Variants in TTLL5 observed in about 807,000 individuals in gnomAD.
The protein encoded by TTLL5 is tubulin polyglutamylase TTLL5.
A neutral mutation model predicts 168.4 loss-of-function variants in TTLL5; 132 were observed. That is an observed-to-expected ratio of 0.78 (90% CI 0.68 to 0.91). The LOEUF (loss-of-function observed/expected upper bound fraction) is 0.91. Ranked by LOEUF, TTLL5 falls within the 40% of genes least tolerant of loss-of-function variation. The pLI, the probability that TTLL5 is intolerant of heterozygous loss-of-function variation, is 0.00. For synonymous variants in TTLL5, 546 were observed against 558.6 expected, an observed-to-expected ratio of 0.98 and a Z score of 0.32; for missense variants, 1,545 against 1,581.5, an observed-to-expected ratio of 0.98 and a Z score of 0.39.
chr14:75,794,534 A>AAGAG, intron 27 of TTLL5, among the ~76,000 whole-genome samples: 1 of 152,270 alleles, frequency 6.6e-6, no homozygotes, highest in East Asian at 1.9e-4. Context: ...AAAGCCTACA[A>AAGAG]AGTGAAAAGA....
chr14:75,796,130 G>A (rs1477275660), intron 27 of TTLL5, among the ~76,000 whole-genome samples: 1 of 152,174 alleles, frequency 6.6e-6, no homozygotes, highest in African/African-American at 2.4e-5. Context: ...CATTCTTGCA[G>A]GAGTAAGGTA....
chr14:75,736,919 A>T (rs1281459266), intron 15 of TTLL5, among the ~76,000 whole-genome samples: 2 of 152,212 alleles, frequency 1.3e-5, no homozygotes, highest in Non-Finnish European at 2.9e-5. Flanking sequence ...GGATTAACCT[A>T]GGTGTACTAG....
At chr14:75,867,108 A>G (rs1412750279) in intron 29 of TTLL5, among the ~76,000 whole-genome samples, 1 of 152,354 alleles carries the variant, frequency 6.6e-6, no homozygotes, top group East Asian at 1.9e-4. Context: ...TTTGCAGGCC[A>G]TAGCATCTCT....
intron 31 of TTLL5, among the ~76,000 whole-genome samples, chr14:75,923,822 T>G (rs138782396): frequency 1.3e-5 from 2 of 152,212 alleles, no homozygotes; most frequent in Non-Finnish European, 2.9e-5. Context: ...AGTCTTCCAC[T>G]ATTATTGTGT....
intron 12 of TTLL5, among the ~76,000 whole-genome samples, chr14:75,723,285 G>A (rs1188683347): frequency 6.6e-6 from 1 of 152,118 alleles, no homozygotes; most frequent in East Asian, 1.9e-4. Flanking sequence ...CTTAGAGAAT[G>A]TTCAGGAAAT....
At chr14:75,723,765 C>T (rs1219285643) in intron 12 of TTLL5, among the ~76,000 whole-genome samples, 1 of 152,090 alleles carries the variant, frequency 6.6e-6, no homozygotes, top group Non-Finnish European at 1.5e-5. Flanking sequence ...AGCCATGGGT[C>T]TCCTTTCTTC....
chr14:75,676,455 C>T (rs1315556954), intron 3 of TTLL5, among the ~76,000 whole-genome samples: 2 of 152,128 alleles, frequency 1.3e-5, no homozygotes, highest in African/African-American at 4.8e-5. Context: ...TTTGTAACCT[C>T]TAGTCTAAAA....
At chr14:75,831,742 C>T (rs1422068028) in intron 28 of TTLL5, among the ~76,000 whole-genome samples, 1 of 152,180 alleles carries the variant, frequency 6.6e-6, no homozygotes, top group Admixed American at 6.5e-5. Flanking sequence ...CAGCACTTTG[C>T]AGACTCTCCC....
intron 29 of TTLL5, among the ~76,000 whole-genome samples, chr14:75,871,825 G>A (rs1321180505): frequency 6.6e-6 from 1 of 152,192 alleles, no homozygotes; most frequent in African/African-American, 2.4e-5. Context: ...TATAAGATAT[G>A]CACAGTAAAC....
Position 75,661,406 on chromosome 14 carries a change from G to C in TTLL5, c.-96+19G>C, listed in dbSNP as rs1890709135. On this transcript the variant is annotated intron_variant, in intron 1 of 31. Coordinates refer to ENST00000298832, the MANE Select transcript of TTLL5 (RefSeq NM_015072.5). ...GAGACAGGTAAACGCCTGCGCCCGC[G>C]CGCTTCCCTACCCTAGGGAGGAGCA... is the stretch of plus-strand genomic sequence containing the variant. The C allele has an allele frequency of 6.6e-6, 1 of 152,426 alleles. No individual in the cohort carries two copies. The highest frequency in any genetic ancestry group is 2.4e-5 in the African/African-American group (1 of 41,484). The allele number at this position is 152,426 out of a possible 1,614,324, so 9.4% of individuals were successfully genotyped here.
chr14:75,729,555 A>G (rs886747161), intron 12 of TTLL5, among the ~76,000 whole-genome samples: 54 of 152,150 alleles, frequency 3.5e-4, no homozygotes, highest in African/African-American at 1.3e-3. Flanking sequence ...TACAGAAGCA[A>G]TCTTTCCACC....
intron 22 of TTLL5, 44 bp downstream of exon 22, chr14:75,775,674 C>G (rs766435307): frequency 1.9e-6 from 3 of 1,605,666 alleles, no homozygotes; most frequent in Non-Finnish European, 2.6e-6. Flanking sequence ...TTGCCATACA[C>G]TGTCAGAAAC....
chr14:75,724,869 T>TA (rs1315604141), intron 12 of TTLL5, among the ~76,000 whole-genome samples: 7 of 152,226 alleles, frequency 4.6e-5, no homozygotes, highest in African/African-American at 1.7e-4. Context: ...CATTGTGAGA[T>TA]ACAACTGGCT....
intron 28 of TTLL5, among the ~76,000 whole-genome samples, chr14:75,841,107 G>A (rs1274857865): frequency 6.6e-6 from 1 of 152,192 alleles, no homozygotes; most frequent in African/African-American, 2.4e-5. Flanking sequence ...ATGGTGCTAA[G>A]CCATGCCTGA....
chr14:75,951,180 CA>C (rs1279880429), intron 31 of TTLL5, among the ~76,000 whole-genome samples: 1 of 150,592 alleles, frequency 6.6e-6, no homozygotes, highest in African/African-American at 2.4e-5. Context: ...TCCATCTCTG[CA>C]AAAAAATAGA....
At chr14:75,933,041 G>T (rs2034325152) in intron 31 of TTLL5, among the ~76,000 whole-genome samples, 2 of 152,168 alleles carry the variant, frequency 1.3e-5, no homozygotes. Flanking sequence ...AGTTTAAGTA[G>T]CCCCAATCTT....
intron 29 of TTLL5, among the ~76,000 whole-genome samples, chr14:75,878,929 G>A (rs1285084995): frequency 6.6e-6 from 1 of 152,190 alleles, no homozygotes; most frequent in East Asian, 1.9e-4. Flanking sequence ...CCTTTTACAA[G>A]ATTACATCTG....
At chr14:75,856,784 T>C (rs757036194) in intron 28 of TTLL5, among the ~76,000 whole-genome samples, 4 of 151,910 alleles carry the variant, frequency 2.6e-5, no homozygotes, top group Non-Finnish European at 4.4e-5. Flanking sequence ...CCGCCACCAC[T>C]CCTGGCTAAT....
At chr14:75,712,128 G>A (rs376786717) in intron 9 of TTLL5, 21 of 152,268 alleles carry the variant, frequency 1.4e-4, no homozygotes, top group Non-Finnish European at 2.8e-4. Flanking sequence ...TCACTGCAGC[G>A]CTTTGGCAGT....
Sources: gnomAD v4.1 joint callset for allele counts (sites outside exome capture counted in the v4.1 genomes callset) on GRCh38, gnomAD v4.1.1 for gene constraint, MANE v1.5 for transcripts, NCBI Gene and HGNC (gene_info 2026-07-23, HGNC 2026-07-21) for gene names.